WDFY2: variants seen among roughly 807,000 people sequenced by gnomAD.
WDFY2 encodes WD repeat and FYVE domain containing 2, also known as WD repeat and FYVE domain-containing protein 2.
A neutral mutation model predicts 56.4 loss-of-function variants in WDFY2; 36 were observed. The observed-to-expected ratio is 0.64, with a 90% CI of 0.49 to 0.84. WDFY2 has a LOEUF of 0.84. Among genes scored for constraint, WDFY2 ranks in the 40% least tolerant of loss-of-function variants. The probability of loss-of-function intolerance (pLI) is 0.00; values close to 1 mark genes in which losing one functional copy is unlikely to be tolerated. For synonymous variants in WDFY2, 176 were observed against 183.7 expected (o/e 0.96, Z 0.34); for missense variants, 444 against 512.2 (o/e 0.87, Z 1.29).
chr13:51,713,667 G>A (rs543262438), intron 4 of WDFY2, among the ~76,000 whole-genome samples: 38 of 152,188 alleles, frequency 2.5e-4, no homozygotes, highest in Admixed American at 2.6e-4. Context: ...GAGGCCAGAA[G>A]TTCAAGACCA....
At chr13:51,653,363 G>A (rs555945511) in intron 1 of WDFY2, among the ~76,000 whole-genome samples, 1 of 152,120 alleles carries the variant, frequency 6.6e-6, no homozygotes, top group East Asian at 1.9e-4. Flanking sequence ...TCCTCCTTTA[G>A]CTCGGAAAAG....
chr13:51,679,272 G>A (rs1392957476), intron 3 of WDFY2, among the ~76,000 whole-genome samples: 1 of 152,164 alleles, frequency 6.6e-6, no homozygotes, highest in Non-Finnish European at 1.5e-5. Flanking sequence ...CCAACCCTGA[G>A]TAATTGCTAT....
At chr13:51,714,572 T>A (rs1952301750) in intron 4 of WDFY2, among the ~76,000 whole-genome samples, 3 of 152,100 alleles carry the variant, frequency 2.0e-5, no homozygotes, top group Admixed American at 6.6e-5. Context: ...GGATTACAGG[T>A]GTGAGCCACT....
At chr13:51,650,673 A>G (rs1480496097) in intron 1 of WDFY2, among the ~76,000 whole-genome samples, 2 of 152,200 alleles carry the variant, frequency 1.3e-5, no homozygotes, top group African/African-American at 4.8e-5. Context: ...TGAGATAATC[A>G]TGTGGTTTTT....
At chr13:51,641,161 C>A (rs1955147717) in intron 1 of WDFY2, among the ~76,000 whole-genome samples, 1 of 151,924 alleles carries the variant, frequency 6.6e-6, no homozygotes, top group African/African-American at 2.4e-5. Context: ...CAACCTCCGC[C>A]CTCCGAGTTC....
At chr13:51,645,743 C>G (rs529006012) in intron 1 of WDFY2, among the ~76,000 whole-genome samples, 1 of 152,248 alleles carries the variant, frequency 6.6e-6, no homozygotes, top group South Asian at 2.1e-4. Flanking sequence ...ATGTTTTTCT[C>G]TTGACCACCC....
At position 51,751,415 on chromosome 13, in the gene WDFY2, G is replaced by T; in HGVS notation, c.831G>T (p.Glu277Asp). 1 of 1,613,904 alleles carries T rather than the reference G, an allele frequency of 6.2e-7. No individual in the cohort carries two copies. Among genetic ancestry groups the T allele is most frequent in the East Asian group, 2.2e-5 (1 of 44,868 alleles). ...GGAACATGGACGTGGAGAGGCAGGA[G>T]GTAGGTGGCACAGCAGGGTGGGGTG... ...VVWNMDVERQ[E>D]TPEWLDSDSC... Residue 277 changes from glutamate to aspartate, a missense_variant and splice_region_variant, in exon 8 of 12, where the codon GAG becomes GAT. Transcript: ENST00000298125.
intron 2 of WDFY2, among the ~76,000 whole-genome samples, chr13:51,670,908 A>G (rs570820292): frequency 7.2e-5 from 11 of 152,134 alleles, no homozygotes; most frequent in Admixed American, 5.9e-4. Context: ...ACTCCCTTGT[A>G]TTATTCTTAG....
intron 1 of WDFY2, among the ~76,000 whole-genome samples, chr13:51,609,548 T>G (rs1954450165): frequency 6.6e-6 from 1 of 151,342 alleles, no homozygotes; most frequent in Non-Finnish European, 1.5e-5. Context: ...GCCTCCTGTA[T>G]TTAAGGCATC....
Position 51,767,637 on chromosome 13 carries a change from A to G in WDFY2, c.*7868A>G, listed in dbSNP as rs1953791503. 1 of 154,000 alleles carries G rather than the reference A, an allele frequency of 6.5e-6. No homozygotes were observed. The highest frequency in any genetic ancestry group is 1.4e-5 in the Non-Finnish European group (1 of 69,260). 9.5% of individuals were successfully genotyped at this position (154,000 alleles called of 1,614,324 possible). On this transcript the variant is annotated 3_prime_UTR_variant, in exon 12 of 12. Coordinates refer to ENST00000298125, the MANE Select transcript of WDFY2 (RefSeq NM_052950.4). ...TCAAAGTGTAGTACCAGAATGCCAG[A>G]TGCATTACTGAAGCCACTCCTAATC...
chr13:51,631,559 ATTTTC>A (rs1315362259), intron 1 of WDFY2, among the ~76,000 whole-genome samples: 1 of 152,074 alleles, frequency 6.6e-6, no homozygotes. Context: ...ACTTCAGCAC[ATTTTC>A]TTTTCTTCTC....
At chr13:51,678,001 C>G (rs560914502) in intron 3 of WDFY2, among the ~76,000 whole-genome samples, 1 of 152,288 alleles carries the variant, frequency 6.6e-6, no homozygotes, top group Admixed American at 6.5e-5. Context: ...ATTTTCCTAC[C>G]TATACCTTTT....
chr13:51,748,046 C>T (rs1281632912), intron 7 of WDFY2, among the ~76,000 whole-genome samples: 1 of 152,184 alleles, frequency 6.6e-6, no homozygotes, highest in Non-Finnish European at 1.5e-5. Context: ...GACTCTCTTA[C>T]TCTCTGTGTT....
At chr13:51,606,961 G>A (rs973149925) in intron 1 of WDFY2, among the ~76,000 whole-genome samples, 8 of 152,064 alleles carry the variant, frequency 5.3e-5, no homozygotes, top group Admixed American at 1.3e-4. Flanking sequence ...AGTACCAGCC[G>A]TCACTTGTTC....
intron 1 of WDFY2, among the ~76,000 whole-genome samples, chr13:51,642,271 C>A (rs993222928): frequency 6.6e-6 from 1 of 151,456 alleles, no homozygotes; most frequent in Admixed American, 6.6e-5. Flanking sequence ...TTTATTTGAC[C>A]CTTGAGATTT....
chr13:51,707,660 G>A (rs563750478), intron 4 of WDFY2, among the ~76,000 whole-genome samples: 1 of 152,212 alleles, frequency 6.6e-6, no homozygotes, highest in Non-Finnish European at 1.5e-5. Context: ...AAGAAACTAT[G>A]TGTCTACTCA....
chr13:51,642,357 G>T (rs547782385), intron 1 of WDFY2, among the ~76,000 whole-genome samples: 2 of 151,462 alleles, frequency 1.3e-5, no homozygotes, highest in Non-Finnish European at 2.9e-5. Flanking sequence ...GCACAATCTC[G>T]GCTCACTGCA....
chr13:51,755,805 C>T (rs75516079), intron 9 of WDFY2, among the ~76,000 whole-genome samples: 6 of 152,078 alleles, frequency 3.9e-5, no homozygotes, highest in African/African-American at 1.2e-4. Context: ...ATTTTACTTT[C>T]CCTCCTTCTG....
At chr13:51,604,111 A>C (rs946904129) in intron 1 of WDFY2, among the ~76,000 whole-genome samples, 18 of 152,196 alleles carry the variant, frequency 1.2e-4, no homozygotes, top group African/African-American at 3.6e-4. Context: ...GTTAATGCAA[A>C]AACATTTTTT....
Sources: allele counts gnomAD v4.1 joint callset (sites outside exome capture counted in the v4.1 genomes callset), GRCh38; gene constraint gnomAD v4.1.1; transcripts MANE v1.5; gene names NCBI Gene and HGNC (gene_info 2026-07-23, HGNC 2026-07-21).